Variants in GALNT13 observed in about 807,000 individuals in gnomAD.
GALNT13 encodes UDP-GalNAc:polypeptide N-acetylgalactosaminyltransferase 13.
In GALNT13, 28 loss-of-function variants were observed where a neutral mutation model predicts 64.2. That is an observed-to-expected ratio of 0.44 (90% CI 0.32 to 0.60). GALNT13 has a LOEUF of 0.60. Ranked by LOEUF, GALNT13 falls within the 20% of genes least tolerant of loss-of-function variation. GALNT13 has a pLI of 0.05. For missense variants in GALNT13, 577 were observed against 669.8 expected (o/e 0.86, Z 1.53); for synonymous variants, 214 against 224.6 (o/e 0.95, Z 0.42).
At chr2:154,446,001 C>A in intron 12 of GALNT13, 1 of 383,532 alleles carries the variant, frequency 2.6e-6, no homozygotes, top group Non-Finnish European at 5.1e-6. Flanking sequence ...CATTATCTAC[C>A]TTTCTAATTG....
chr2:154,298,091 A>T (rs1193558556), intron 8 of GALNT13, among the ~76,000 whole-genome samples: 1 of 152,022 alleles, frequency 6.6e-6, no homozygotes, highest in Non-Finnish European at 1.5e-5. Context: ...AATTAATAGT[A>T]ACAAGTGAGA....
chr2:153,688,022 TAC>T, the GALNT13 span, among the ~76,000 whole-genome samples: 59 of 152,158 alleles, frequency 3.9e-4, no homozygotes, highest in Non-Finnish European at 7.5e-4. Flanking sequence ...CCAAAGTAAC[TAC>T]ACAGTTATTG....
the GALNT13 span, among the ~76,000 whole-genome samples, chr2:153,580,671 C>T: frequency 6.6e-6 from 1 of 152,088 alleles, no homozygotes; most frequent in Non-Finnish European, 1.5e-5. Flanking sequence ...CAAGCATGGA[C>T]ATAAAAACTT....
At chr2:154,415,229 A>G (rs573852022) in intron 11 of GALNT13, among the ~76,000 whole-genome samples, 1 of 152,192 alleles carries the variant, frequency 6.6e-6, no homozygotes, top group Admixed American at 6.6e-5. Flanking sequence ...TTACTTTGAA[A>G]CTAATCACTG....
At chr2:153,817,214 C>A in the GALNT13 span, among the ~76,000 whole-genome samples, 1 of 152,212 alleles carries the variant, frequency 6.6e-6, no homozygotes, top group East Asian at 1.9e-4. Flanking sequence ...TCAGGACCAT[C>A]TGATAGAGGA....
At chr2:153,404,061 G>A in the GALNT13 span, among the ~76,000 whole-genome samples, 31 of 152,192 alleles carry the variant, frequency 2.0e-4, no homozygotes, top group African/African-American at 6.3e-4. Context: ...TTTCATTAGG[G>A]AAGTTGTAAT....
upstream of GALNT13, among the ~76,000 whole-genome samples, chr2:153,870,668 C>T (rs147600190): frequency 6.6e-6 from 1 of 151,024 alleles, no homozygotes; most frequent in South Asian, 2.1e-4. Flanking sequence ...ACTTGACTCA[C>T]GAAAAGATAT....
the GALNT13 span, among the ~76,000 whole-genome samples, chr2:153,258,894 A>T: frequency 5.3e-5 from 8 of 152,182 alleles, no homozygotes. Flanking sequence ...AGAATAATGC[A>T]TGTGCTGAGG....
At chr2:153,165,594 T>C in the GALNT13 span, among the ~76,000 whole-genome samples, 1 of 152,230 alleles carries the variant, frequency 6.6e-6, no homozygotes, top group African/African-American at 2.4e-5. Flanking sequence ...CTTTTTGAGC[T>C]GCTTGGCTTA....
chr2:154,189,472 CAAA>C (rs35557058), intron 4 of GALNT13, among the ~76,000 whole-genome samples: 3 of 81,412 alleles, frequency 3.7e-5, no homozygotes, highest in Admixed American at 1.5e-4. Context: ...ACGTGCACAC[CAAA>C]AAAAAAAAAA....
chr2:153,326,187 A>C, the GALNT13 span, among the ~76,000 whole-genome samples: 954 of 152,110 alleles, frequency 6.3e-3, 9 homozygotes, highest in African/African-American at 0.022. Flanking sequence ...TATATTTAGG[A>C]TAGTTAGTTC....
chr2:153,308,215 G>A, the GALNT13 span, among the ~76,000 whole-genome samples: 31,369 of 152,000 alleles, frequency 0.21, 4,055 homozygotes, highest in Non-Finnish European at 0.3. Flanking sequence ...AAACTAAAAA[G>A]CAAATAAACA....
chr2:153,385,384 C>A, the GALNT13 span, among the ~76,000 whole-genome samples: 34 of 152,026 alleles, frequency 2.2e-4, no homozygotes, highest in Non-Finnish European at 2.9e-5. Context: ...TCATTTGTAA[C>A]AACATGGATG....
chr2:153,460,560 T>A, the GALNT13 span, among the ~76,000 whole-genome samples: 2 of 152,264 alleles, frequency 1.3e-5, no homozygotes, highest in African/African-American at 4.8e-5. Context: ...ATTGGATTTA[T>A]ACCTAAGAAG....
At chr2:153,464,186 C>T in the GALNT13 span, among the ~76,000 whole-genome samples, 1 of 151,950 alleles carries the variant, frequency 6.6e-6, no homozygotes, top group Non-Finnish European at 1.5e-5. Context: ...CAAAAATGAG[C>T]CTTTAGGTTG....
chr2:153,302,986 C>A, the GALNT13 span, among the ~76,000 whole-genome samples: 1 of 152,182 alleles, frequency 6.6e-6, no homozygotes, highest in Middle Eastern at 3.4e-3. Context: ...TGTGATGCCT[C>A]CAGCTTTGTT....
intron 4 of GALNT13, among the ~76,000 whole-genome samples, chr2:154,212,856 A>AT (rs910529096): frequency 6.6e-6 from 1 of 151,042 alleles, no homozygotes; most frequent in Admixed American, 6.6e-5. Context: ...AGACTTGTGC[A>AT]TTTTTTTTCA....
intron 9 of GALNT13, among the ~76,000 whole-genome samples, chr2:154,310,965 A>T (rs190725315): frequency 1.4e-5 from 2 of 145,940 alleles, no homozygotes; most frequent in African/African-American, 5.5e-5. Context: ...GAATATTCTA[A>T]GAATATATAT....
the GALNT13 span, among the ~76,000 whole-genome samples, chr2:153,102,435 A>C: frequency 6.6e-6 from 1 of 152,168 alleles, no homozygotes; most frequent in Non-Finnish European, 1.5e-5. Context: ...TCACTGGGGA[A>C]AGAACATTTA....
Sources: allele counts gnomAD v4.1 joint callset (sites outside exome capture counted in the v4.1 genomes callset), GRCh38; gene constraint gnomAD v4.1.1; transcripts MANE v1.5; gene names NCBI Gene and HGNC (gene_info 2026-07-23, HGNC 2026-07-21).